The following KHDRBS2 variants were observed in gnomAD, a reference collection of about 807,000 sequenced individuals.
KHDRBS2 encodes the protein KH RNA binding domain containing, signal transduction associated 2.
In KHDRBS2, 26 loss-of-function variants were observed where a neutral mutation model predicts 44.3. The ratio of observed to expected loss-of-function variants is 0.59; its 90% CI spans 0.43 to 0.81. The LOEUF is 0.81. Ranked by LOEUF, KHDRBS2 falls within the 40% of genes least tolerant of loss-of-function variation. The pLI, the probability that KHDRBS2 is intolerant of heterozygous loss-of-function variation, is 0.00. For synonymous variants in KHDRBS2, 194 were observed against 151.1 expected (o/e 1.28, Z -2.08); for missense variants, 476 against 433.1 (o/e 1.10, Z -0.88).
At chr6:61,980,620 A>T (rs1773644496) in intron 3 of KHDRBS2, among the ~76,000 whole-genome samples, 3 of 152,162 alleles carry the variant, frequency 2.0e-5, no homozygotes, top group Non-Finnish European at 4.4e-5. Flanking sequence ...GATGGGCCTA[A>T]GGCTAAGGAA....
intron 6 of KHDRBS2, among the ~76,000 whole-genome samples, chr6:61,810,179 G>A (rs1787883315): frequency 6.6e-6 from 1 of 152,048 alleles, no homozygotes; most frequent in Admixed American, 6.6e-5. Flanking sequence ...GTCCTGCAAT[G>A]GCCTCTGTAT....
the KHDRBS2 span, among the ~76,000 whole-genome samples, chr6:61,607,404 T>A: frequency 6.7e-6 from 1 of 148,688 alleles, no homozygotes; most frequent in East Asian, 2.0e-4. Flanking sequence ...AGAGAAAAAA[T>A]TAGTTGATTT....
At chr6:61,761,177 A>G (rs1365365407) in intron 6 of KHDRBS2, among the ~76,000 whole-genome samples, 3 of 152,184 alleles carry the variant, frequency 2.0e-5, no homozygotes, top group African/African-American at 7.2e-5. Flanking sequence ...TGGTCAGTGA[A>G]GAGATGTAAT....
At chr6:61,813,681 G>A (rs1242083454) in intron 6 of KHDRBS2, among the ~76,000 whole-genome samples, 1 of 152,064 alleles carries the variant, frequency 6.6e-6, no homozygotes, top group Non-Finnish European at 1.5e-5. Flanking sequence ...GTTTCCATTT[G>A]AATTATCAGC....
chr6:61,713,151 CA>C (rs991260631), intron 7 of KHDRBS2, among the ~76,000 whole-genome samples: 24 of 151,468 alleles, frequency 1.6e-4, no homozygotes, highest in African/African-American at 4.8e-4. Context: ...TTCTAAAATA[CA>C]AAAAATTCTG....
the KHDRBS2 span, among the ~76,000 whole-genome samples, chr6:61,591,571 T>A: frequency 6.6e-6 from 1 of 152,110 alleles, no homozygotes; most frequent in South Asian, 2.1e-4. Context: ...TAAACTCTAG[T>A]AACTCCCTCT....
At chr6:62,135,294 T>C (rs973012122) in intron 2 of KHDRBS2, among the ~76,000 whole-genome samples, 5 of 152,178 alleles carry the variant, frequency 3.3e-5, no homozygotes, top group African/African-American at 1.2e-4. Context: ...TTGCCTGCTG[T>C]CATGTAAGAC....
At chr6:61,581,897 C>A in the KHDRBS2 span, among the ~76,000 whole-genome samples, 1 of 150,914 alleles carries the variant, frequency 6.6e-6, no homozygotes, top group Non-Finnish European at 1.5e-5. Flanking sequence ...TAAAAACTTA[C>A]AAGAAAAATT....
chr6:61,860,425 T>C (rs1266202161), intron 6 of KHDRBS2, among the ~76,000 whole-genome samples: 3 of 152,094 alleles, frequency 2.0e-5, no homozygotes, highest in Non-Finnish European at 4.4e-5. Context: ...AATGTGTCCA[T>C]GTGCTCTCAT....
intron 2 of KHDRBS2, among the ~76,000 whole-genome samples, chr6:62,073,217 A>T (rs560516695): frequency 2.0e-5 from 3 of 151,858 alleles, no homozygotes; most frequent in Non-Finnish European, 4.4e-5. Context: ...TGGGAGTTTT[A>T]AATTATTAAT....
chr6:62,241,456 G>T (rs780738158), intron 1 of KHDRBS2, among the ~76,000 whole-genome samples: 19 of 151,962 alleles, frequency 1.3e-4, no homozygotes, highest in Non-Finnish European at 2.4e-4. Flanking sequence ...AAAATAAATT[G>T]ATTACTAAGA....
At chr6:61,584,208 C>T in the KHDRBS2 span, among the ~76,000 whole-genome samples, 1 of 151,800 alleles carries the variant, frequency 6.6e-6, no homozygotes, top group African/African-American at 2.4e-5. Flanking sequence ...CTGTTCCTAT[C>T]TTTTCTTGTC....
chr6:61,948,065 A>G (rs949289193), intron 4 of KHDRBS2, among the ~76,000 whole-genome samples: 3 of 151,944 alleles, frequency 2.0e-5, no homozygotes, highest in Non-Finnish European at 2.9e-5. Flanking sequence ...TCACCTAAGG[A>G]CAATATATGA....
intron 2 of KHDRBS2, among the ~76,000 whole-genome samples, chr6:62,074,227 A>G (rs1795881943): frequency 6.6e-6 from 1 of 151,882 alleles, no homozygotes; most frequent in Non-Finnish European, 1.5e-5. Flanking sequence ...CAGTTAAGCC[A>G]TGCCTGGACT....
At chr6:61,546,186 A>G in the KHDRBS2 span, among the ~76,000 whole-genome samples, 1 of 152,018 alleles carries the variant, frequency 6.6e-6, no homozygotes, top group Non-Finnish European at 1.5e-5. Flanking sequence ...TTTTAAGTAT[A>G]TCAATATTAA....
At chr6:62,043,563 T>C (rs1787017258) in intron 3 of KHDRBS2, among the ~76,000 whole-genome samples, 1 of 152,052 alleles carries the variant, frequency 6.6e-6, no homozygotes, top group South Asian at 2.1e-4. Context: ...ATCTGACCAA[T>C]ACGAGAAAGA....
intron 3 of KHDRBS2, among the ~76,000 whole-genome samples, chr6:61,985,538 ATGT>A (rs1224148278): frequency 6.6e-6 from 1 of 152,120 alleles, no homozygotes; most frequent in Non-Finnish European, 1.5e-5. Flanking sequence ...AAGTTTTCAA[ATGT>A]TGTTATAGGG....
intron 4 of KHDRBS2, among the ~76,000 whole-genome samples, chr6:61,936,645 T>C (rs1324725743): frequency 6.6e-6 from 1 of 151,988 alleles, no homozygotes; most frequent in Non-Finnish European, 1.5e-5. Context: ...TTCAGTGAAG[T>C]TTTGTAGTTG....
At chr6:61,717,801 T>G (rs1484250074) in intron 7 of KHDRBS2, among the ~76,000 whole-genome samples, 2 of 152,094 alleles carry the variant, frequency 1.3e-5, no homozygotes, top group Non-Finnish European at 2.9e-5. Context: ...AAGTATCTTT[T>G]GGTCAGAACT....
Sources: gnomAD v4.1 joint callset for allele counts (sites outside exome capture counted in the v4.1 genomes callset) on GRCh38, gnomAD v4.1.1 for gene constraint, MANE v1.5 for transcripts, NCBI Gene and HGNC (gene_info 2026-07-23, HGNC 2026-07-21) for gene names.